The following NEDD9 variants were observed in gnomAD, a reference collection of about 807,000 sequenced individuals.
NEDD9 encodes the protein enhancer of filamentation 1.
In NEDD9, 26 loss-of-function variants were observed where a neutral mutation model predicts 76.6. The observed-to-expected ratio is 0.34, with a 90% CI of 0.25 to 0.47. NEDD9 has a LOEUF of 0.47. NEDD9 is among the 20% of genes least tolerant of loss of function. The pLI is 1.00. For synonymous variants in NEDD9, 392 were observed against 414.2 expected, an observed-to-expected ratio of 0.95 and a Z score of 0.65; for missense variants, 937 against 1,058.5, an observed-to-expected ratio of 0.89 and a Z score of 1.59.
chr6:11,354,451 A>G (rs545236490), intron 1 of NEDD9, among the ~76,000 whole-genome samples: 3 of 152,292 alleles, frequency 2.0e-5, no homozygotes, highest in East Asian at 3.9e-4. Flanking sequence ...AGAACTGACA[A>G]TGGTGACCTT....
Position 11,218,267 on chromosome 6 carries a change from G to A in NEDD9, c.13-4540C>T, listed in dbSNP as rs146257811. Among the ~76,000 whole-genome samples the A allele has an allele frequency of 2.0e-5, 3 of 151,922 alleles. No homozygotes were observed. The East Asian group carries it at 5.8e-4, about 29-fold the overall frequency. On this transcript the variant is annotated intron_variant, in intron 1 of 6. Coordinates refer to ENST00000379446, the MANE Select transcript of NEDD9 (RefSeq NM_006403.4). ...GCAGTAAGAGCCGCAGAGGTTTGCT[G>A]TGTCTCTTCATGACCTGCAACCCAT...
intron 1 of NEDD9, among the ~76,000 whole-genome samples, chr6:11,358,838 G>A (rs772229562): frequency 7.9e-5 from 12 of 152,154 alleles, no homozygotes; most frequent in Non-Finnish European, 1.5e-4. Flanking sequence ...CATAAAGACC[G>A]AGGAAATTCA....
rs759739079 is a variant in NEDD9 at position 11,185,524 on chromosome 6, A to T, written c.2143T>A (p.Cys715Ser). Residue 715 changes from cysteine to serine, a missense_variant, in exon 7 of 7, where the codon TGT becomes AGT. Coordinates refer to ENST00000379446, the MANE Select transcript of NEDD9 (RefSeq NM_006403.4). ...AGAAGGGAAATGAAATGGGTCTCAC[A>T]TTGGTCATAGTAGAAGCACAGCAAC... ...RQLLCFYYDQCETHFISLLNA... is the reference protein window; with the variant it reads ...RQLLCFYYDQSETHFISLLNA... The T allele has an allele frequency of 6.2e-7, 1 of 1,614,188 alleles. No homozygotes were observed. Among genetic ancestry groups the T allele is most frequent in the South Asian group, 1.1e-5 (1 of 91,084 alleles).
intron 2 of NEDD9, among the ~76,000 whole-genome samples, chr6:11,309,693 A>C (rs970404864): frequency 2.6e-5 from 4 of 152,184 alleles, no homozygotes; most frequent in African/African-American, 9.6e-5. Context: ...ACTAGGAATA[A>C]CATTAGTGTG....
chr6:11,191,173 A>G lies in NEDD9; in HGVS notation c.696T>C (p.Asp232=), dbSNP rs1758135621. Reference sequence around the variant, plus strand: ...AGTCTTTTTCCCTAAGCCCTGCTTCATCCCGGCAAGCAGAGGGCGGAATGG... The same window carrying G: ...AGTCTTTTTCCCTAAGCCCTGCTTCGTCCCGGCAAGCAGAGGGCGGAATGG... The part of the protein sequence containing the change: ...VYAIPPSACR[D]EAGLREKDYD... Residue 232 remains aspartate, a synonymous_variant, in exon 5 of 7, where the codon GAT becomes GAC. Transcript: ENST00000379446. 6.2e-7 allele frequency: 1 copy of G among 1,610,350 alleles called. No homozygotes were observed. The highest frequency in any genetic ancestry group is 8.5e-7 in the Non-Finnish European group (1 of 1,178,258).
upstream of NEDD9, chr6:11,233,446 C>T (rs905729631): frequency 5.8e-6 from 3 of 518,772 alleles, no homozygotes; most frequent in African/African-American, 5.8e-5. Context: ...CCAGTGCACG[C>T]CCTATACATC....
intron 3 of NEDD9, among the ~76,000 whole-genome samples, chr6:11,268,969 G>A (rs886189206): frequency 6.6e-6 from 1 of 152,170 alleles, no homozygotes; most frequent in Non-Finnish European, 1.5e-5. Flanking sequence ...ACTTAGAGAG[G>A]TCAAGTATCT....
chr6:11,346,609 T>C (rs972748970), intron 1 of NEDD9, among the ~76,000 whole-genome samples: 1 of 152,162 alleles, frequency 6.6e-6, no homozygotes, highest in African/African-American at 2.4e-5. Flanking sequence ...AGTTTCTGTT[T>C]GAGGCTGGTC....
intron 3 of NEDD9, among the ~76,000 whole-genome samples, chr6:11,287,662 C>T (rs1031311651): frequency 3.3e-5 from 5 of 152,158 alleles, no homozygotes; most frequent in Admixed American, 3.3e-4. Context: ...CCTACACATT[C>T]CTACTTAATG....
chr6:11,324,366 G>A (rs1041985936), intron 2 of NEDD9, among the ~76,000 whole-genome samples: 8 of 152,144 alleles, frequency 5.3e-5, no homozygotes, highest in Admixed American at 2.0e-4. Context: ...TGCCCTGTGT[G>A]CAGGTCTGGA....
rs1759932116 is a variant in NEDD9, at chr6:11,252,490, C to T, written c.13-38763G>A. On this transcript the variant is annotated intron_variant, in intron 3 of 3. Transcript: ENST00000397378. This position sits in a 1 kb window ranked among gnomAD's most constrained non-coding sequence, Gnocchi z 4.3. ...TCTCTATGGCTCTCCATCCTTTAAACAAATTAACACAGCCCACAGCTACCT... is the reference window on the plus strand; with the variant it reads ...TCTCTATGGCTCTCCATCCTTTAAATAAATTAACACAGCCCACAGCTACCT... Among the ~76,000 whole-genome samples, 1 of 152,160 alleles carries T rather than the reference C, an allele frequency of 6.6e-6. No homozygotes were observed. The highest frequency in any genetic ancestry group is 6.5e-5 in the Admixed American group (1 of 15,282).
At chr6:11,312,760 C>A (rs1489532671) in intron 2 of NEDD9, among the ~76,000 whole-genome samples, 2 of 149,992 alleles carry the variant, frequency 1.3e-5, no homozygotes, top group Non-Finnish European at 3.0e-5. Flanking sequence ...TATTTGCAGG[C>A]CAATAACCCA....
intron 1 of NEDD9, among the ~76,000 whole-genome samples, chr6:11,359,564 A>T (rs1027070388): frequency 2.0e-4 from 31 of 152,280 alleles, no homozygotes; most frequent in Non-Finnish European, 4.1e-4. Flanking sequence ...TTCTCTGTAC[A>T]AACTTCACTT....
intron 3 of NEDD9, among the ~76,000 whole-genome samples, chr6:11,289,552 A>G (rs1233509298): frequency 6.6e-6 from 1 of 152,160 alleles, no homozygotes; most frequent in African/African-American, 2.4e-5. Flanking sequence ...TCCCGGGTTC[A>G]CGCCATTCTC....
chr6:11,285,344 G>T (rs530624477), intron 3 of NEDD9, among the ~76,000 whole-genome samples: 1 of 152,210 alleles, frequency 6.6e-6, no homozygotes, highest in East Asian at 1.9e-4. Flanking sequence ...AATTAAAGAA[G>T]ATATAAATAA....
At chr6:11,236,555 C>T (rs892830293), upstream of NEDD9, among the ~76,000 whole-genome samples, 2 of 152,126 alleles carry the variant, frequency 1.3e-5, no homozygotes, top group Non-Finnish European at 2.9e-5. This position sits in a 1 kb window ranked among gnomAD's most constrained non-coding sequence, Gnocchi z 5.5. Context: ...TTGGAAATCA[C>T]CTAATCCAGC....
At position 11,232,483 on chromosome 6, in the gene NEDD9, CT is replaced by C; in HGVS notation, c.12+20del. 1 of 1,614,200 alleles carries C rather than the reference CT, an allele frequency of 6.2e-7. No individual in the cohort carries two copies. The highest frequency in any genetic ancestry group is 8.5e-7 in the Non-Finnish European group (1 of 1,180,002). On this transcript the variant is annotated intron_variant, in intron 1 of 6. Transcript: ENST00000379446. Reference sequence around the variant, plus strand: ...CACAGCTTTCAGCTTGCAAGGTAACCTGTAAAAGGCACTCTCTTACCTTATA... The same window carrying C: ...CACAGCTTTCAGCTTGCAAGGTAACCGTAAAAGGCACTCTCTTACCTTATA...
intron 3 of NEDD9, among the ~76,000 whole-genome samples, chr6:11,266,073 C>CAGA (rs1760195989): frequency 6.6e-6 from 1 of 152,170 alleles, no homozygotes; most frequent in South Asian, 2.1e-4. Flanking sequence ...AGAGAAATTA[C>CAGA]TTAATGGGTA....
intron 2 of NEDD9, among the ~76,000 whole-genome samples, chr6:11,197,985 G>A (rs2113731415): frequency 6.6e-6 from 1 of 152,232 alleles, no homozygotes; most frequent in South Asian, 2.1e-4. Flanking sequence ...TGTGTTCCCT[G>A]AGCTGGTACC....
Sources: allele counts gnomAD v4.1 joint callset (sites outside exome capture counted in the v4.1 genomes callset), GRCh38; gene constraint gnomAD v4.1.1; non-coding constraint Gnocchi (gnomAD v3.1); transcripts MANE v1.5; gene names NCBI Gene and HGNC (gene_info 2026-07-23, HGNC 2026-07-21).